TVP23A: variants seen among roughly 807,000 people sequenced by gnomAD.
The protein encoded by TVP23A is trans-golgi network vesicle protein 23 homolog A, also known as Golgi apparatus membrane protein TVP23 homolog A.
A neutral mutation model predicts 31.7 loss-of-function variants in TVP23A; 21 were observed. The ratio of observed to expected loss-of-function variants is 0.66; its 90% confidence interval spans 0.47 to 0.95. TVP23A has a LOEUF of 0.95. Among genes scored for constraint, TVP23A ranks in the 40% least tolerant of loss-of-function variants. The pLI is 0.00. For synonymous variants in TVP23A, 104 were observed against 96.0 expected (o/e 1.08, Z -0.49); for missense variants, 279 against 255.6 (o/e 1.09, Z -0.62).
At chr16:10,802,518 G>C (rs1054992118) in intron 2 of TVP23A, among the ~76,000 whole-genome samples, 1 of 152,026 alleles carries the variant, frequency 6.6e-6, no homozygotes. Context: ...GAGCTCAAGC[G>C]ATCCTCTCGC....
At chr16:10,810,366 T>C (rs143527313) in intron 2 of TVP23A, among the ~76,000 whole-genome samples, 11 of 151,780 alleles carry the variant, frequency 7.2e-5, no homozygotes, top group African/African-American at 9.7e-5. Context: ...CTGGGCAACA[T>C]AGTGATCCCG....
At chr16:10,770,490 T>C (rs1384839578) in intron 6 of TVP23A, among the ~76,000 whole-genome samples, 159 bp from the exon 7 acceptor site, 2 of 151,982 alleles carry the variant, frequency 1.3e-5, no homozygotes, top group Non-Finnish European at 2.9e-5. Flanking sequence ...TTTAGGACGG[T>C]TCTACCCATT....
At chr16:10,784,396 A>G (rs1016246443) in intron 2 of TVP23A, among the ~76,000 whole-genome samples, 1 of 151,828 alleles carries the variant, frequency 6.6e-6, no homozygotes, top group African/African-American at 2.4e-5. Flanking sequence ...AAAGAAAAAA[A>G]AAAAAAGAAA....
chr16:10,799,235 T>A (rs2033570577), intron 2 of TVP23A, among the ~76,000 whole-genome samples: 1 of 152,364 alleles, frequency 6.6e-6, no homozygotes, highest in African/African-American at 2.4e-5. Flanking sequence ...ACTTCAGGTA[T>A]AAGATAATAA....
downstream of TVP23A, chr16:10,760,845 A>C (rs977468808): frequency 3.9e-5 from 6 of 154,550 alleles, no homozygotes; most frequent in African/African-American, 9.6e-5. Context: ...CTAAATAAAT[A>C]TGGATTTGGC....
downstream of TVP23A, among the ~76,000 whole-genome samples, chr16:10,763,111 G>A (rs575496444): frequency 4.4e-4 from 67 of 152,194 alleles, 1 homozygote; most frequent in African/African-American, 1.4e-3. Flanking sequence ...AGGAGGGTCC[G>A]TCCCTCAGAG....
In TVP23A at chr16:10,767,987, G is replaced by A. The variant is rs148122963; in HGVS notation, c.*1115C>T. ...CAAAGGCCAGTCTTTTTTCATTGAC[G>A]CCCCAGATTCCCCAGCCACGTTAGC... is the stretch of plus-strand genomic sequence containing the variant. On this transcript the variant is annotated 3_prime_UTR_variant, in exon 8 of 8. Transcript: ENST00000299866. The surrounding 1 kb of genome is among the most constrained non-coding windows in gnomAD (Gnocchi z 4.6). 226 of 1,613,836 alleles carry A rather than the reference G, an allele frequency of 1.4e-4. 1 individual carries two copies. In the African/African-American group the frequency reaches 2.4e-3, roughly 17 times the overall value.
At chr16:10,814,127 T>C (rs894945284) in intron 2 of TVP23A, among the ~76,000 whole-genome samples, 16 of 152,092 alleles carry the variant, frequency 1.1e-4, no homozygotes, top group Admixed American at 9.8e-4. Flanking sequence ...GGGGTGCTAT[T>C]TTAAATTCAT....
chr16:10,806,492 A>AT (rs1221253800), intron 2 of TVP23A, among the ~76,000 whole-genome samples: 3 of 151,952 alleles, frequency 2.0e-5, no homozygotes, highest in Non-Finnish European at 4.4e-5. Context: ...CACACTTCAG[A>AT]TTTTATTGTT....
chr16:10,783,509 C>G (rs950090359), intron 2 of TVP23A, among the ~76,000 whole-genome samples: 1 of 152,102 alleles, frequency 6.6e-6, no homozygotes, highest in Non-Finnish European at 1.5e-5. Context: ...AAATCCATCT[C>G]TACTAAAAAT....
intron 2 of TVP23A, among the ~76,000 whole-genome samples, chr16:10,813,999 CAAAAAAAAAAAAAAA>C (rs201277067): frequency 0.31 from 15,508 of 50,380 alleles, 2,055 homozygotes; most frequent in African/African-American, 0.46. Flanking sequence ...AACTCCATCT[CAAAAAAAAAAAAAAA>C]AAAAAAAAAA....
chr16:10,792,457 G>T lies in TVP23A; in HGVS notation c.90-17361C>A, dbSNP rs8048200. Among the ~76,000 whole-genome samples the T allele has an allele frequency of 7.9e-3, 1,196 of 152,246 alleles. 17 individuals carry two copies. Among genetic ancestry groups the T allele is most frequent in the African/African-American group, 0.027 (1,122 of 41,536 alleles). The stretch of plus-strand genomic sequence containing the variant: ...TACCTCCTGGGAGTTACGAAATGCA[G>T]GACCCACAACCCCACCCCCAGGCCT... On this transcript the variant is annotated intron_variant, in intron 2 of 7. Coordinates refer to ENST00000299866, the MANE Select transcript of TVP23A (RefSeq NM_001079512.4).
At chr16:10,810,180 A>T (rs541847830) in intron 2 of TVP23A, among the ~76,000 whole-genome samples, 7 of 152,262 alleles carry the variant, frequency 4.6e-5, no homozygotes, top group Admixed American at 6.5e-5. Flanking sequence ...GCTAAGGGAT[A>T]CCCAGATCAC....
chr16:10,773,465 T>C (rs2031774969), intron 4 of TVP23A, 24 bp from the exon 5 acceptor site: 2 of 1,558,994 alleles, frequency 1.3e-6, no homozygotes, highest in Non-Finnish European at 1.7e-6. Flanking sequence ...GTAATTCAAA[T>C]GTCAAAACAA....
intron 2 of TVP23A, among the ~76,000 whole-genome samples, chr16:10,781,850 CTTTTTTTTTTTTTTTT>C (rs144933462): frequency 2.2e-5 from 2 of 90,936 alleles, no homozygotes; most frequent in African/African-American, 1.3e-4. Flanking sequence ...CTAACACAAT[CTTTTTTTTTTTTTTTT>C]TTTTTTTTTT....
chr16:10,765,633 AC>A (rs1294630175), downstream of TVP23A, among the ~76,000 whole-genome samples: 2 of 152,208 alleles, frequency 1.3e-5, no homozygotes, highest in Non-Finnish European at 2.9e-5. This position sits in a 1 kb window ranked among gnomAD's most constrained non-coding sequence, Gnocchi z 4.0. Context: ...AGATCCTGAT[AC>A]GGCTTTTCTT....
chr16:10,763,643 G>C (rs1377043764), downstream of TVP23A: 2 of 152,398 alleles, frequency 1.3e-5, no homozygotes, highest in Non-Finnish European at 2.9e-5. Context: ...GAATGGATGT[G>C]ATTGGGGACA....
intron 2 of TVP23A, among the ~76,000 whole-genome samples, chr16:10,791,502 T>C (rs745857915): frequency 1.3e-5 from 2 of 152,266 alleles, no homozygotes; most frequent in Non-Finnish European, 2.9e-5. Flanking sequence ...GCTGGAAGCT[T>C]CCAGGGTGAA....
At chr16:10,780,509 T>A (rs903630996) in intron 2 of TVP23A, among the ~76,000 whole-genome samples, 1 of 152,164 alleles carries the variant, frequency 6.6e-6, no homozygotes, top group East Asian at 1.9e-4. Flanking sequence ...CACCACTCAT[T>A]CAGTGCTGAG....
Sources: gnomAD v4.1 joint callset for allele counts (sites outside exome capture counted in the v4.1 genomes callset) on GRCh38, gnomAD v4.1.1 for gene constraint, Gnocchi (gnomAD v3.1) non-coding constraint, MANE v1.5 for transcripts, NCBI Gene and HGNC (gene_info 2026-07-23, HGNC 2026-07-21) for gene names.